Variants in ECM2 observed in about 807,000 individuals in gnomAD.
The protein encoded by ECM2 is extracellular matrix protein 2, female organ and adipocyte specific.
A neutral mutation model predicts 67.5 loss-of-function variants in ECM2; 57 were observed. The ratio of observed to expected loss-of-function variants is 0.84; its 90% CI spans 0.68 to 1.05. The LOEUF (loss-of-function observed/expected upper bound fraction) is 1.05. Ranked by LOEUF, ECM2 falls within the 50% of genes least tolerant of loss-of-function variation. ECM2 has a pLI of 0.00. For missense variants in ECM2, 741 were observed against 822.8 expected, an observed-to-expected ratio of 0.90 and a Z score of 1.22; for synonymous variants, 258 against 294.5, an observed-to-expected ratio of 0.88 and a Z score of 1.27.
At chr9:92,541,943 G>A in the ECM2 span, among the ~76,000 whole-genome samples, 9 of 152,032 alleles carry the variant, frequency 5.9e-5, no homozygotes, top group East Asian at 1.9e-4. Context: ...ACAAGCATCC[G>A]CCGCCGCACC....
chr9:92,496,243 T>G lies in ECM2; in HGVS notation c.*72A>C. 2 of 1,505,284 alleles carry G rather than the reference T, an allele frequency of 1.3e-6. No homozygotes were observed. Among genetic ancestry groups the G allele is most frequent in the Non-Finnish European group, 1.8e-6 (2 of 1,138,036 alleles). The allele number at this position is 1,505,284 out of a possible 1,614,324, so 93.2% of individuals were successfully genotyped here. A position where few individuals can be genotyped will look rare whatever the true frequency, so the allele number is the denominator to read the frequency against. ...GAGTATAACAGGAGGATTATGTCTC[T>G]CTTATTAATGACAAATGCAGCTACT... is the stretch of plus-strand genomic sequence containing the variant. On this transcript the variant is annotated 3_prime_UTR_variant, in exon 10 of 10. Transcript: ENST00000344604.
intron 9 of ECM2, among the ~76,000 whole-genome samples, chr9:92,498,156 A>G (rs1846464233): frequency 6.6e-6 from 1 of 152,198 alleles, no homozygotes; most frequent in Admixed American, 6.5e-5. Context: ...CCTTTTGTGT[A>G]ATAATTTGTA....
rs765973788 is a variant in ECM2 at position 92,501,056 on chromosome 9, G to T, written c.1605-3C>A. 2 of 1,607,998 alleles carry T rather than the reference G, an allele frequency of 1.2e-6. No homozygotes were observed. The highest frequency in any genetic ancestry group is 3.4e-5 in the Admixed American group (2 of 59,474). On this transcript the variant is annotated splice_polypyrimidine_tract_variant and splice_region_variant and intron_variant, in intron 8 of 9. Transcript: ENST00000344604. The stretch of plus-strand genomic sequence containing the variant: ...AGAGATCAATGGATTCTAGATTTCT[G>T]CAGCAAAGAAAAAAGTAAACAGGGT...
chr9:92,522,482 A>T, intron 2 of ECM2, 93 bp downstream of exon 2: 2 of 1,221,030 alleles, frequency 1.6e-6, no homozygotes, highest in Non-Finnish European at 1.1e-6. Flanking sequence ...CTTCATGGAG[A>T]TGTTCTCCCT....
chr9:92,546,101 A>G, the ECM2 span, among the ~76,000 whole-genome samples: 1 of 152,148 alleles, frequency 6.6e-6, no homozygotes, highest in East Asian at 1.9e-4. Flanking sequence ...TTGTGAATGC[A>G]CCAATCAGTG....
At chr9:92,537,145 G>C (rs374116488), upstream of ECM2, among the ~76,000 whole-genome samples, 1 of 151,630 alleles carries the variant, frequency 6.6e-6, no homozygotes, top group East Asian at 1.9e-4. Flanking sequence ...CAAAGTGCTG[G>C]GATTACAGGC....
At chr9:92,544,031 C>T in the ECM2 span, among the ~76,000 whole-genome samples, 46 of 152,180 alleles carry the variant, frequency 3.0e-4, no homozygotes, top group East Asian at 8.3e-3. Flanking sequence ...TTATTTCTTT[C>T]TCTTATCTAA....
chr9:92,498,131 T>G (rs1052138695), intron 9 of ECM2, among the ~76,000 whole-genome samples: 1 of 152,124 alleles, frequency 6.6e-6, no homozygotes, highest in East Asian at 1.9e-4. Flanking sequence ...AAGACATATA[T>G]AGAGAGAAAA....
Position 92,522,662 on chromosome 9 carries a change from T to C in ECM2, c.205A>G (p.Ile69Val). The change falls in exon 2 of 10, where the codon ATT becomes GTT. Residue 69 changes from isoleucine (I) to valine (V), a missense_variant. Physicochemically the swap from Ile to Val is conservative, Grantham distance 29 (BLOSUM62 3). Transcript: ENST00000344604. ...TVFTPVARLP[I>V]VNFDYSMEEK... ...TCCATGCTATAATCAAAGTTAACAA[T>C]AGGAAGTCTTGCTACTGGTGTAAAA... 1.9e-6 allele frequency: 3 copies of C among 1,614,122 alleles called. No homozygotes were observed. The highest frequency in any genetic ancestry group is 1.7e-6 in the Non-Finnish European group (2 of 1,180,016).
At position 92,495,616 on chromosome 9, in the gene ECM2, T is replaced by C. The variant is rs1225769331; in HGVS notation, c.*699A>G. The stretch of plus-strand genomic sequence containing the variant: ...TAATATACTGTTTAACTTTAAAAAA[T>C]AATTTTAGAATTATAGAAAAGTTTC... On this transcript the variant is annotated 3_prime_UTR_variant, in exon 10 of 10. Coordinates refer to ENST00000344604, the MANE Select transcript of ECM2 (RefSeq NM_001393.4). 2 of 957,372 alleles carry C rather than the reference T, an allele frequency of 2.1e-6. No homozygotes were observed. Among genetic ancestry groups the C allele is most frequent in the East Asian group, 1.1e-4 (1 of 8,696 alleles). 59.3% of individuals were successfully genotyped at this position (957,372 alleles called of 1,614,324 possible). A position where few individuals can be genotyped will look rare whatever the true frequency, so the allele number is the denominator to read the frequency against.
upstream of ECM2, among the ~76,000 whole-genome samples, chr9:92,541,383 C>G (rs549000281): frequency 2.0e-5 from 3 of 151,478 alleles, no homozygotes; most frequent in South Asian, 6.3e-4. Context: ...AACCACTATT[C>G]TACTGCAACC....
chr9:92,496,123 T>G lies in ECM2; in HGVS notation c.*192A>C. The G allele has an allele frequency of 8.2e-7, 1 of 1,224,794 alleles. No homozygotes were observed. The highest frequency in any genetic ancestry group is 4.1e-5 in the East Asian group (1 of 24,394). 75.9% of individuals were successfully genotyped at this position (1,224,794 alleles called of 1,614,324 possible). On this transcript the variant is annotated 3_prime_UTR_variant, in exon 10 of 10. Coordinates refer to ENST00000344604, the MANE Select transcript of ECM2 (RefSeq NM_001393.4). ...GGAAACTGAGAGATTTTACCTTTACTATTAATAAAACTCCTAGAGACTATA... is the reference window on the plus strand; with the variant it reads ...GGAAACTGAGAGATTTTACCTTTACGATTAATAAAACTCCTAGAGACTATA...
chr9:92,501,120 A>G, intron 8 of ECM2, 67 bp from the exon 9 acceptor site: 5 of 1,502,836 alleles, frequency 3.3e-6, no homozygotes, highest in Middle Eastern at 1.7e-4. Context: ...CTAAATTTTG[A>G]TAAGGCCAGT....
chr9:92,522,047 GT>G (rs1848099820), intron 2 of ECM2, among the ~76,000 whole-genome samples: 1 of 152,014 alleles, frequency 6.6e-6, no homozygotes. Flanking sequence ...TCCTTAAGTT[GT>G]TTTTGGTTTT....
chr9:92,555,273 G>A, the ECM2 span, among the ~76,000 whole-genome samples: 2 of 117,346 alleles, frequency 1.7e-5, no homozygotes, highest in East Asian at 2.9e-4. Context: ...TGTTGTCCAA[G>A]CTGGAGTACA....
At chr9:92,505,497 T>A in intron 7 of ECM2, 36 bp downstream of exon 7, 1 of 1,521,396 alleles carries the variant, frequency 6.6e-7, no homozygotes. Context: ...ATTTCAAATA[T>A]AATACATTTA....
upstream of ECM2, among the ~76,000 whole-genome samples, chr9:92,539,543 A>G (rs972754961): frequency 3.3e-5 from 5 of 152,102 alleles, no homozygotes; most frequent in African/African-American, 1.2e-4. Context: ...GCAGAAATTA[A>G]GTATAGCCTA....
the ECM2 span, among the ~76,000 whole-genome samples, chr9:92,545,565 C>T: frequency 2.0e-5 from 3 of 152,240 alleles, no homozygotes; most frequent in Non-Finnish European, 4.4e-5. Flanking sequence ...CGAGCCTCCC[C>T]GACGAGCTCT....
chr9:92,529,640 C>T (rs1302097401), intron 1 of ECM2, among the ~76,000 whole-genome samples: 3 of 152,002 alleles, frequency 2.0e-5, no homozygotes, highest in Admixed American at 6.6e-5. Flanking sequence ...AGAAATGAGC[C>T]ATCAAGCCAT....
Sources: gnomAD v4.1 joint callset for allele counts (sites outside exome capture counted in the v4.1 genomes callset) on GRCh38, gnomAD v4.1.1 for gene constraint, MANE v1.5 for transcripts, NCBI Gene and HGNC (gene_info 2026-07-23, HGNC 2026-07-21) for gene names.